The following PCDHGA6 variants were observed in gnomAD, a reference collection of about 807,000 sequenced individuals.
PCDHGA6 encodes protocadherin gamma subfamily A, 6, also known as protocadherin gamma-A6.
Under a neutral mutation model 60.6 loss-of-function variants are expected in PCDHGA6, and 41 were observed. The observed-to-expected ratio is 0.68, with a 90% CI of 0.53 to 0.88. The LOEUF (loss-of-function observed/expected upper bound fraction) is 0.88, where lower values mean the gene tolerates loss of function less well. PCDHGA6 is among the 40% of genes least tolerant of loss of function. PCDHGA6 has a pLI of 0.00. For missense variants in PCDHGA6, 1,312 were observed against 1,203.0 expected, an observed-to-expected ratio of 1.09 and a Z score of -1.34; for synonymous variants, 594 against 524.4, an observed-to-expected ratio of 1.13 and a Z score of -1.81.
chr5:141,432,237 A>T lies in PCDHGA6; in HGVS notation c.2424+55730A>T. ...GCCCAGATCACTTATTCCCTGGCTG[A>T]GAACACCATCCAAGGGGCAAGCCTA... On this transcript the variant is annotated intron_variant, in intron 1 of 3. Transcript: ENST00000517434. The surrounding 1 kb of genome is among the most constrained non-coding windows in gnomAD (Gnocchi z 6.0). The T allele has an allele frequency of 2.5e-6, 4 of 1,614,224 alleles. No individual in the cohort carries two copies. Among genetic ancestry groups the T allele is most frequent in the Non-Finnish European group, 3.4e-6 (4 of 1,180,032 alleles).
chr5:141,421,541 T>A (rs1235004908), intron 1 of PCDHGA6: 9 of 1,613,912 alleles, frequency 5.6e-6, no homozygotes, highest in African/African-American at 1.3e-5. Flanking sequence ...TCCTGTTTTT[T>A]AAATATGGAA....
At chr5:141,385,981 A>G (rs2090416620) in intron 1 of PCDHGA6, 1 of 152,244 alleles carries the variant, frequency 6.6e-6, no homozygotes, top group Non-Finnish European at 1.5e-5. Flanking sequence ...AACCAATAAA[A>G]TATGTCAAAT....
At chr5:141,384,012 A>G in intron 1 of PCDHGA6, 1 of 1,613,830 alleles carries the variant, frequency 6.2e-7, no homozygotes, top group Non-Finnish European at 8.5e-7. Flanking sequence ...TTTTCTACCT[A>G]CAAGACAGAG....
intron 1 of PCDHGA6, among the ~76,000 whole-genome samples, chr5:141,481,692 G>A (rs1231630072): frequency 3.3e-5 from 5 of 152,020 alleles, no homozygotes; most frequent in East Asian, 1.9e-4. Context: ...GGTGGCTCAC[G>A]CCTGTAATCC....
intron 1 of PCDHGA6, among the ~76,000 whole-genome samples, chr5:141,470,151 CT>C (rs746135943): frequency 7.2e-5 from 11 of 152,164 alleles, no homozygotes; most frequent in Non-Finnish European, 1.6e-4. Flanking sequence ...CATAGATCAT[CT>C]TATCAAATCA....
chr5:141,427,504 C>A (rs755936092), intron 1 of PCDHGA6: 8 of 579,302 alleles, frequency 1.4e-5, no homozygotes, highest in Middle Eastern at 2.7e-4. Context: ...ACAGATGGGA[C>A]CCTGGATTGG....
chr5:141,441,838 C>T, intron 1 of PCDHGA6: 4 of 355,582 alleles, frequency 1.1e-5, no homozygotes, highest in South Asian at 9.6e-5. Flanking sequence ...TGGCTTCGCG[C>T]TCTTGGATAT....
intron 1 of PCDHGA6, chr5:141,427,958 G>T: frequency 6.3e-7 from 1 of 1,588,408 alleles, no homozygotes; most frequent in Non-Finnish European, 8.6e-7. Flanking sequence ...ACAATGTGCC[G>T]CGGGTGCTGT....
intron 1 of PCDHGA6, chr5:141,405,160 C>T (rs2094616263): frequency 6.2e-7 from 1 of 1,614,028 alleles, no homozygotes; most frequent in Non-Finnish European, 8.5e-7. Flanking sequence ...CTGGTGTGCC[C>T]ACCTCACACT....
intron 1 of PCDHGA6, chr5:141,404,260 T>G: frequency 6.2e-7 from 1 of 1,613,910 alleles, no homozygotes; most frequent in Non-Finnish European, 8.5e-7. Context: ...CCACAGAAAT[T>G]CACATCACCC....
In PCDHGA6 at chr5:141,420,274, GGTAA is replaced by G. The variant is rs1362175190; in HGVS notation, c.2424+43771_2424+43774del. 5.9e-6 allele frequency: 9 copies of G among 1,525,426 alleles called. 1 individual carries two copies. The highest frequency in any genetic ancestry group is 2.1e-5 in the Admixed American group (1 of 48,284). 94.5% of individuals were successfully genotyped at this position (1,525,426 alleles called of 1,614,324 possible). On this transcript the variant is annotated intron_variant, in intron 1 of 3. Coordinates refer to ENST00000517434, the MANE Select transcript of PCDHGA6 (RefSeq NM_018919.3). ...AAGCAGATAAGAAGATTCTTAAACAGGTAAGTATTTAAAAATGTATTTAATCCTT... is the reference window on the plus strand; with the variant it reads ...AAGCAGATAAGAAGATTCTTAAACAGGTATTTAAAAATGTATTTAATCCTT...
chr5:141,422,605 G>A (rs2096658595), intron 1 of PCDHGA6: 1 of 1,613,898 alleles, frequency 6.2e-7, no homozygotes, highest in Non-Finnish European at 8.5e-7. Flanking sequence ...CTCTTACTCT[G>A]CCTACATTCC....
rs765454115 is a variant in PCDHGA6, at chr5:141,410,470, T to C, written c.2424+33963T>C. On this transcript the variant is annotated intron_variant, in intron 1 of 3. Coordinates refer to ENST00000517434, the MANE Select transcript of PCDHGA6 (RefSeq NM_018919.3). Reference sequence around the variant, plus strand: ...TGCCTTATTCTTATAATCTGTGCATTGCACATACGGGTACAAAAGAGTTTA... The same window carrying C: ...TGCCTTATTCTTATAATCTGTGCATCGCACATACGGGTACAAAAGAGTTTA... 1.9e-6 allele frequency: 3 copies of C among 1,613,922 alleles called. No individual in the cohort carries two copies. The African/African-American group carries it at 4.0e-5, about 22-fold the overall frequency.
In PCDHGA6 at chr5:141,431,509, C is replaced by T. The variant is rs774558486; in HGVS notation, c.2424+55002C>T. The T allele has an allele frequency of 3.1e-6, 5 of 1,613,992 alleles. 1 individual carries two copies. In the Admixed American group the frequency reaches 5.0e-5, roughly 16 times the overall value. On this transcript the variant is annotated intron_variant, in intron 1 of 3. Coordinates refer to ENST00000517434, the MANE Select transcript of PCDHGA6 (RefSeq NM_018919.3). This position sits in a 1 kb window ranked among gnomAD's most constrained non-coding sequence, Gnocchi z 4.8. ...TTGCTCAGCCCGAGTACCGCGCGAG[C>T]GTTCCGGAGAATCTGGCCTTGGGCA...
rs537196945 is a variant in PCDHGA6 at position 141,470,749 on chromosome 5, G to A, written c.2425-24058G>A. 3.9e-5 allele frequency among the ~76,000 whole-genome samples: 6 copies of A among 152,260 alleles called. No individual in the cohort carries two copies. The East Asian group carries it at 7.7e-4, about 20-fold the overall frequency. On this transcript the variant is annotated intron_variant, in intron 1 of 3. Coordinates refer to ENST00000517434, the MANE Select transcript of PCDHGA6 (RefSeq NM_018919.3). ...GTCTTGCTCTGTCGCCCTGGCTGGAGTGCAGTGGACTCACTACAGTCTTGA... is the reference window on the plus strand; with the variant it reads ...GTCTTGCTCTGTCGCCCTGGCTGGAATGCAGTGGACTCACTACAGTCTTGA...
In PCDHGA6 at chr5:141,477,053, G is replaced by A; in HGVS notation, c.2425-17754G>A. On this transcript the variant is annotated intron_variant, in intron 1 of 3. Transcript: ENST00000517434. This position sits in a 1 kb window ranked among gnomAD's most constrained non-coding sequence, Gnocchi z 4.9. ...GACAATCAAGGGTCGGCTGGACTTC[G>A]AGGACACCAAACTCCATGAGATTTA... The A allele has an allele frequency of 1.9e-6, 3 of 1,614,230 alleles. No homozygotes were observed. The highest frequency in any genetic ancestry group is 2.5e-6 in the Non-Finnish European group (3 of 1,180,032).
At chr5:141,441,855 G>A in intron 1 of PCDHGA6, 3 of 351,872 alleles carry the variant, frequency 8.5e-6, no homozygotes, top group Admixed American at 4.0e-5. Flanking sequence ...ATATGGTGCT[G>A]CACGCCGCGG....
Position 141,374,832 on chromosome 5 carries a change from G to A in PCDHGA6, c.749G>A (p.Ser250Asn), listed in dbSNP as rs776699327. Residue 250 changes from serine (S) to asparagine (N), a missense_variant, in exon 1 of 4, where the codon AGT (serine) becomes AAT (asparagine). Transcript: ENST00000517434. ...TTTACTCAGCCTGTCTACCGTGTAA[G>A]TGTTCCTGAAAACCTGCCAGTAGGC... ...PMFTQPVYRV[S>N]VPENLPVGTP... is the part of the protein sequence containing the mutation. 3.1e-6 allele frequency: 5 copies of A among 1,613,908 alleles called. 1 individual carries two copies. The South Asian group carries it at 5.5e-5, about 18-fold the overall frequency.
chr5:141,451,976 A>T (rs2098729884), intron 1 of PCDHGA6, among the ~76,000 whole-genome samples: 1 of 152,164 alleles, frequency 6.6e-6, no homozygotes, highest in Non-Finnish European at 1.5e-5. Flanking sequence ...TTTTTGCTGT[A>T]GTTTGTTCAT....
Sources: gnomAD v4.1 joint callset for allele counts (sites outside exome capture counted in the v4.1 genomes callset) on GRCh38, gnomAD v4.1.1 for gene constraint, Gnocchi (gnomAD v3.1) non-coding constraint, MANE v1.5 for transcripts, NCBI Gene and HGNC (gene_info 2026-07-23, HGNC 2026-07-21) for gene names.